ADCY8: variants seen among roughly 807,000 people sequenced by gnomAD.
The protein encoded by ADCY8 is adenylate cyclase 8.
Under a neutral mutation model 119.7 loss-of-function variants are expected in ADCY8, and 51 were observed. The observed-to-expected ratio is 0.43, with a 90% CI of 0.34 to 0.54. ADCY8 has a LOEUF of 0.54. Among genes scored for constraint, ADCY8 ranks in the 20% least tolerant of loss-of-function variants. ADCY8 has a pLI of 0.03. For missense variants in ADCY8, 1,383 were observed against 1,598.8 expected (o/e 0.87, Z 2.30); for synonymous variants, 665 against 651.0 (o/e 1.02, Z -0.33).
chr8:130,789,844 C>T lies in ADCY8; in HGVS notation c.3061-4369G>A, dbSNP rs116601026. On this transcript the variant is annotated intron_variant, in intron 15 of 17. Coordinates refer to ENST00000286355, the MANE Select transcript of ADCY8 (RefSeq NM_001115.3). ...GGAACTTGGTTGAGTTGCAAAATTG[C>T]GGCCCCTTCAGTCCTACTGACTCAG... is the stretch of plus-strand genomic sequence containing the variant. 9.5e-3 allele frequency among the ~76,000 whole-genome samples: 1,441 copies of T among 152,220 alleles called. 14 individuals are homozygous for T. The highest frequency in any genetic ancestry group is 0.03 in the African/African-American group (1,261 of 41,516).
chr8:130,995,247 C>A (rs1822737414), intron 1 of ADCY8, among the ~76,000 whole-genome samples: 1 of 151,996 alleles, frequency 6.6e-6, no homozygotes. Flanking sequence ...ACTTAAATGA[C>A]CCTAAACAGA....
At chr8:130,895,489 G>T (rs1819355759) in intron 7 of ADCY8, among the ~76,000 whole-genome samples, 1 of 152,088 alleles carries the variant, frequency 6.6e-6, no homozygotes. Flanking sequence ...AAAGCAAATG[G>T]ATCCAATTGC....
chr8:131,020,303 T>C (rs1823624042), intron 1 of ADCY8, among the ~76,000 whole-genome samples: 1 of 152,172 alleles, frequency 6.6e-6, no homozygotes, highest in South Asian at 2.1e-4. Flanking sequence ...GTGAGGCTAC[T>C]GTGATTCAGG....
chr8:130,899,207 G>A (rs1819512037), intron 7 of ADCY8, among the ~76,000 whole-genome samples: 1 of 152,138 alleles, frequency 6.6e-6, no homozygotes, highest in South Asian at 2.1e-4. Flanking sequence ...GACTTTCTCT[G>A]ACAATGCCTT....
chr8:130,994,507 C>T (rs1021525303), intron 1 of ADCY8, among the ~76,000 whole-genome samples: 1 of 152,176 alleles, frequency 6.6e-6, no homozygotes, highest in African/African-American at 2.4e-5. Context: ...TATTTAGACA[C>T]ATTGCCACAT....
chr8:131,014,769 T>C (rs1823417453), intron 1 of ADCY8, among the ~76,000 whole-genome samples: 1 of 152,190 alleles, frequency 6.6e-6, no homozygotes, highest in African/African-American at 2.4e-5. Context: ...GGGACTTACT[T>C]CATAGGTTGT....
chr8:131,012,131 G>A (rs1223616267), intron 1 of ADCY8, among the ~76,000 whole-genome samples: 1 of 152,186 alleles, frequency 6.6e-6, no homozygotes, highest in African/African-American at 2.4e-5. Context: ...TCAGGTGACA[G>A]AGCAAGAGTC....
intron 1 of ADCY8, among the ~76,000 whole-genome samples, chr8:131,003,383 A>C (rs1254468290): frequency 6.6e-6 from 1 of 152,218 alleles, no homozygotes; most frequent in East Asian, 1.9e-4. Flanking sequence ...AAATTATGCT[A>C]ATGCAAAGTA....
At position 130,839,886 on chromosome 8, in the gene ADCY8, T is replaced by C. The variant is rs1290607624; in HGVS notation, c.2503-3437A>G. 8.6e-5 allele frequency among the ~76,000 whole-genome samples: 12 copies of C among 140,232 alleles called. 3 individuals carry two copies. 92.0% of individuals were successfully genotyped at this position (140,232 alleles called of 152,430 possible). A position where few individuals can be genotyped will look rare whatever the true frequency, so the allele number is the denominator to read the frequency against. On this transcript the variant is annotated intron_variant, in intron 11 of 17. Coordinates refer to ENST00000286355, the MANE Select transcript of ADCY8 (RefSeq NM_001115.3). The stretch of plus-strand genomic sequence containing the variant: ...GATGAGTTTCTTGCTTGTAATGGAT[T>C]CATTAGGTCAGTGCCTAAGAAATAA...
chr8:131,037,281 A>T (rs1238408430), intron 1 of ADCY8, among the ~76,000 whole-genome samples: 2 of 149,972 alleles, frequency 1.3e-5, no homozygotes, highest in Non-Finnish European at 3.0e-5. Context: ...CACAGTGGAG[A>T]ATTGTTTATG....
Position 130,922,645 on chromosome 8 carries a change from A to G in ADCY8, c.1482-12779T>C, listed in dbSNP as rs939598833. Among the ~76,000 whole-genome samples the G allele has an allele frequency of 1.2e-4, 19 of 152,188 alleles. No homozygotes were observed. The East Asian group carries it at 3.1e-3, about 25-fold the overall frequency. On this transcript the variant is annotated intron_variant, in intron 5 of 17. Transcript: ENST00000286355. ...GACACGGCAACCATCCGATTTCTCA[A>G]TCTTTTCCCCACCTTCCCCCCTTTC... is the stretch of plus-strand genomic sequence containing the variant.
At chr8:131,031,676 T>A (rs140405301) in intron 1 of ADCY8, among the ~76,000 whole-genome samples, 140 of 152,304 alleles carry the variant, frequency 9.2e-4, no homozygotes, top group Non-Finnish European at 1.5e-3. Flanking sequence ...TATGCCCATG[T>A]GATACCTTCT....
intron 5 of ADCY8, among the ~76,000 whole-genome samples, chr8:130,919,584 AT>A (rs780761777): frequency 6.6e-6 from 1 of 152,134 alleles, no homozygotes; most frequent in Non-Finnish European, 1.5e-5. Context: ...TGGTGTCACT[AT>A]TTTTGTCATG....
intron 11 of ADCY8, among the ~76,000 whole-genome samples, chr8:130,838,053 T>C (rs1321430796): frequency 6.6e-6 from 1 of 152,218 alleles, no homozygotes; most frequent in Admixed American, 6.5e-5. Context: ...ACAATTTTTG[T>C]ATGGGCAGGG....
At chr8:130,922,453 C>T (rs1820340704) in intron 5 of ADCY8, among the ~76,000 whole-genome samples, 1 of 152,104 alleles carries the variant, frequency 6.6e-6, no homozygotes, top group Non-Finnish European at 1.5e-5. Context: ...TAACAAAGCA[C>T]ATCTTGCACC....
chr8:130,968,982 GT>G (rs1413598019), intron 2 of ADCY8, among the ~76,000 whole-genome samples: 1 of 152,126 alleles, frequency 6.6e-6, no homozygotes, highest in Non-Finnish European at 1.5e-5. Flanking sequence ...TTTTACAGGA[GT>G]TTCGCTACTT....
At chr8:130,811,867 T>G (rs1816178503) in intron 14 of ADCY8, among the ~76,000 whole-genome samples, 1 of 152,196 alleles carries the variant, frequency 6.6e-6, no homozygotes, top group South Asian at 2.1e-4. Flanking sequence ...AGACCTTCCC[T>G]TGGGAGTCTC....
At chr8:130,933,880 C>G (rs537923454) in intron 5 of ADCY8, among the ~76,000 whole-genome samples, 1 of 152,302 alleles carries the variant, frequency 6.6e-6, no homozygotes, top group South Asian at 2.1e-4. Context: ...GAAAGTTTTG[C>G]TGCTTAAACT....
chr8:131,018,863 G>C (rs1823562307), intron 1 of ADCY8, among the ~76,000 whole-genome samples: 1 of 152,144 alleles, frequency 6.6e-6, no homozygotes, highest in African/African-American at 2.4e-5. Flanking sequence ...TAATCTCCTG[G>C]AGATTAACAT....
Sources: gnomAD v4.1 joint callset for allele counts (sites outside exome capture counted in the v4.1 genomes callset) on GRCh38, gnomAD v4.1.1 for gene constraint, MANE v1.5 for transcripts, NCBI Gene and HGNC (gene_info 2026-07-23, HGNC 2026-07-21) for gene names.